Variants in TTC23L observed in about 807,000 individuals in gnomAD.
The protein encoded by TTC23L is tetratricopeptide repeat protein 23-like.
A neutral mutation model predicts 48.1 loss-of-function variants in TTC23L; 42 were observed. The ratio of observed to expected loss-of-function variants is 0.87; its 90% CI spans 0.68 to 1.13. The LOEUF (loss-of-function observed/expected upper bound fraction) is 1.13. TTC23L is among the 50% of genes most tolerant of loss of function. The pLI is 0.00. For missense variants in TTC23L, 391 were observed against 421.0 expected, an observed-to-expected ratio of 0.93 and a Z score of 0.62; for synonymous variants, 159 against 157.2, an observed-to-expected ratio of 1.01 and a Z score of -0.09.
intron 4 of TTC23L, among the ~76,000 whole-genome samples, chr5:34,860,596 T>C (rs538834167): frequency 6.6e-6 from 1 of 152,170 alleles, no homozygotes; most frequent in African/African-American, 2.4e-5. Flanking sequence ...TAATGCACAG[T>C]GCAATTTGAA....
chr5:34,913,876 T>G, the TTC23L span: 3 of 467,182 alleles, frequency 6.4e-6, no homozygotes, highest in Admixed American at 7.3e-5. Context: ...CAACATTAGT[T>G]TCAACTTTTA....
chr5:34,909,108 A>G, the TTC23L span: 3 of 857,376 alleles, frequency 3.5e-6, no homozygotes, highest in Non-Finnish European at 5.4e-6. Flanking sequence ...TTAGAACCCT[A>G]CATCCCCTAG....
Position 34,840,733 on chromosome 5 carries a change from T to A in TTC23L, c.62T>A (p.Phe21Tyr), listed in dbSNP as rs202039437. 1.8e-4 allele frequency: 296 copies of A among 1,613,790 alleles called. No homozygotes were observed. In the African/African-American group the frequency reaches 3.7e-3, roughly 20 times the overall value. The change falls in exon 2 of 11, where the codon TTC (phenylalanine) becomes TAC (tyrosine). Residue 21 changes from phenylalanine to tyrosine, a missense_variant. By Grantham distance (22) the Phe-to-Tyr change is conservative. Transcript: ENST00000505624. ...AATGACATCGACTGGGATTTCTGCT[T>A]CCATATGTAAGTATCACAGCATTTT... is the stretch of plus-strand genomic sequence containing the variant.
the TTC23L span, among the ~76,000 whole-genome samples, chr5:34,904,774 G>C: frequency 6.6e-6 from 1 of 152,034 alleles, no homozygotes; most frequent in African/African-American, 2.4e-5. Flanking sequence ...GGACAAAATG[G>C]CAGGAAGCAA....
rs148087706 is a variant in TTC23L at position 34,854,845 on chromosome 5, G to T, written c.379+4537G>T. ...AAGGTTTTACAACTTAGTGTGGAAGGTGAACTACCTGGGGACATAACTATG... is the reference window on the plus strand; with the variant it reads ...AAGGTTTTACAACTTAGTGTGGAAGTTGAACTACCTGGGGACATAACTATG... On this transcript the variant is annotated intron_variant, in intron 4 of 10. Coordinates refer to ENST00000505624, the Ensembl canonical transcript of TTC23L. 8.0e-3 allele frequency among the ~76,000 whole-genome samples: 1,217 copies of T among 152,316 alleles called. 19 individuals carry two copies. The highest frequency in any genetic ancestry group is 0.028 in the African/African-American group (1,177 of 41,558).
chr5:34,925,464 A>G, the TTC23L span: 6 of 1,613,814 alleles, frequency 3.7e-6, no homozygotes, highest in South Asian at 6.6e-5. Flanking sequence ...AGAAAAATGA[A>G]ACAGAGGATG....
chr5:34,895,158 T>C (rs1194119415), intron 9 of TTC23L, among the ~76,000 whole-genome samples: 1 of 152,208 alleles, frequency 6.6e-6, no homozygotes, highest in East Asian at 1.9e-4. Context: ...TGGACAGTTC[T>C]GATTGTTAGA....
At chr5:34,876,206 G>A (rs1193000697) in intron 8 of TTC23L, among the ~76,000 whole-genome samples, 1 of 151,952 alleles carries the variant, frequency 6.6e-6, no homozygotes, top group African/African-American at 2.4e-5. Flanking sequence ...TTCTATCTTA[G>A]GAAGCTAGAA....
At chr5:34,839,749 C>A in intron 1 of TTC23L, 2 of 725,366 alleles carry the variant, frequency 2.8e-6, no homozygotes, top group East Asian at 1.3e-4. Context: ...TAAGTAACTG[C>A]GTTCGATTTG....
intron 4 of TTC23L, among the ~76,000 whole-genome samples, chr5:34,857,743 C>G (rs974162043): frequency 6.6e-6 from 1 of 152,084 alleles, no homozygotes; most frequent in Non-Finnish European, 1.5e-5. Context: ...GACAACTCTA[C>G]AGGATATATT....
At position 34,850,511 on chromosome 5, in the gene TTC23L, G is replaced by A. The variant is rs1370359919; in HGVS notation, c.379+203G>A. Among the ~76,000 whole-genome samples the A allele has an allele frequency of 2.6e-5, 4 of 152,188 alleles. No homozygotes were observed. The East Asian group carries it at 5.8e-4, about 22-fold the overall frequency. On this transcript the variant is annotated intron_variant, in intron 4 of 10. Transcript: ENST00000505624. ...GATAATAATGATGATGACAGTTATT[G>A]AGTATTTAGCATGTGCCAAACTGGT... is the stretch of plus-strand genomic sequence containing the variant.
intron 2 of TTC23L, 41 bp downstream of exon 2, chr5:34,840,780 G>C (rs776780309): frequency 1.3e-6 from 2 of 1,585,728 alleles, no homozygotes; most frequent in Non-Finnish European, 1.7e-6. Context: ...TACTTACTGG[G>C]CTGAAACACT....
rs75872810 is a variant in TTC23L, at chr5:34,875,941, C to T, written c.950-4240C>T. The stretch of plus-strand genomic sequence containing the variant: ...AAAGAAAATGTACAATGTCTGCTCT[C>T]AGACCACAGTGGAATTAAACTAGAA... On this transcript the variant is annotated intron_variant, in intron 8 of 10. Transcript: ENST00000505624. Among the ~76,000 whole-genome samples, 79 of 152,300 alleles carry T rather than the reference C, an allele frequency of 5.2e-4. 1 individual carries two copies. The highest frequency in any genetic ancestry group is 1.7e-3 in the African/African-American group (71 of 41,570).
intron 10 of TTC23L, 115 bp from the exon 11 acceptor site, chr5:34,899,275 C>T (rs577296490): frequency 9.8e-5 from 15 of 152,710 alleles, no homozygotes; most frequent in African/African-American, 3.6e-4. Context: ...CTAAGTTCAG[C>T]CTTTGGCTCA....
intron 1 of TTC23L, among the ~76,000 whole-genome samples, chr5:34,840,362 A>C (rs1580406792): frequency 6.6e-6 from 1 of 152,106 alleles, no homozygotes; most frequent in East Asian, 1.9e-4. Context: ...TGAGTTAAGT[A>C]GGTGACCATA....
chr5:34,847,058 C>A (rs1349170734), intron 3 of TTC23L, among the ~76,000 whole-genome samples: 1 of 152,148 alleles, frequency 6.6e-6, no homozygotes. Flanking sequence ...GCTTCCAGAG[C>A]ATGATTTATC....
the TTC23L span, chr5:34,906,876 T>C: frequency 2.0e-5 from 3 of 152,212 alleles, no homozygotes; most frequent in Non-Finnish European, 4.4e-5. Flanking sequence ...ACTGATTAGA[T>C]ATTTTCCCAA....
chr5:34,914,679 G>A, the TTC23L span: 1 of 1,613,180 alleles, frequency 6.2e-7, no homozygotes, highest in Non-Finnish European at 8.5e-7. Context: ...AGGCTTAAAG[G>A]CGCCTACTTC....
At chr5:34,914,645 T>C in the TTC23L span, 1 of 1,574,810 alleles carries the variant, frequency 6.3e-7, no homozygotes, top group East Asian at 2.2e-5. Context: ...TTTCATTAAA[T>C]TACATTTAGA....
Sources: gnomAD v4.1 joint callset for allele counts (sites outside exome capture counted in the v4.1 genomes callset) on GRCh38, gnomAD v4.1.1 for gene constraint, MANE v1.5 for transcripts, NCBI Gene and HGNC (gene_info 2026-07-23, HGNC 2026-07-21) for gene names.